Variants in NPAS2 observed in about 807,000 individuals in gnomAD.
The protein encoded by NPAS2 is neuronal PAS domain-containing protein 2.
NPAS2 carries 23 observed loss-of-function variants against 107.5 expected under a neutral mutation model. That is an observed-to-expected ratio of 0.21 (90% CI 0.15 to 0.30). The LOEUF (loss-of-function observed/expected upper bound fraction) is 0.30. NPAS2 is among the 10% of genes least tolerant of loss of function. NPAS2 has a pLI of 1.00. For synonymous variants in NPAS2, 403 were observed against 417.5 expected (o/e 0.97, Z 0.42); for missense variants, 756 against 1,043.3 (o/e 0.72, Z 3.79).
Position 100,820,921 on chromosome 2 carries a change from G to A in NPAS2, c.-23+507G>A. 3.0e-6 allele frequency: 2 copies of A among 667,856 alleles called. No homozygotes were observed. Among genetic ancestry groups the A allele is most frequent in the Admixed American group, 3.3e-5 (1 of 29,918 alleles). The allele number at this position is 667,856 out of a possible 1,614,324, so 41.4% of individuals were successfully genotyped here. A position where few individuals can be genotyped will look rare whatever the true frequency, so the allele number is the denominator to read the frequency against. On this transcript the variant is annotated intron_variant, in intron 1 of 20. Transcript: ENST00000335681. The surrounding 1 kb of genome is among the most constrained non-coding windows in gnomAD (Gnocchi z 5.6). The stretch of plus-strand genomic sequence containing the variant: ...TCGGAATTGGTTCCGGGCCGGATTG[G>A]GTGCGGAATCGGTGCCCCCAACCCC...
chr2:100,963,753 T>C (rs1382524419), intron 7 of NPAS2, among the ~76,000 whole-genome samples: 3 of 152,214 alleles, frequency 2.0e-5, no homozygotes, highest in Non-Finnish European at 4.4e-5. Context: ...CCCAGCATTA[T>C]AAGCCATAGG....
At chr2:100,990,166 G>A in intron 17 of NPAS2, 90 bp from the exon 18 acceptor site, 1 of 1,140,266 alleles carries the variant, frequency 8.8e-7, no homozygotes, top group Non-Finnish European at 1.3e-6. Flanking sequence ...GGCAAGGGTA[G>A]GTAGAAGGAG....
At chr2:100,905,027 T>G (rs551551011) in intron 2 of NPAS2, among the ~76,000 whole-genome samples, 1 of 152,340 alleles carries the variant, frequency 6.6e-6, no homozygotes, top group East Asian at 1.9e-4. Flanking sequence ...TCTGGGTTTT[T>G]GTCATGCTCC....
chr2:100,975,382 G>A, intron 13 of NPAS2, 76 bp from the exon 14 acceptor site: 8 of 1,299,814 alleles, frequency 6.2e-6, no homozygotes, highest in Non-Finnish European at 7.6e-6. Flanking sequence ...TGCACACCAC[G>A]GTCATGGGTC....
At chr2:100,930,417 G>A (rs13414074) in intron 3 of NPAS2, among the ~76,000 whole-genome samples, 12,381 of 152,108 alleles carry the variant, frequency 0.081, 1,523 homozygotes, top group African/African-American at 0.27. Flanking sequence ...AGGAGCAGTC[G>A]GGAGTTGAGC....
intron 1 of NPAS2, among the ~76,000 whole-genome samples, chr2:100,882,331 C>T (rs6542997): frequency 0.34 from 51,746 of 152,042 alleles, 9,179 homozygotes; most frequent in South Asian, 0.47. Flanking sequence ...AACAAACAGC[C>T]GGGCGCAGTG....
At position 100,995,636 on chromosome 2, in the gene NPAS2, G is replaced by T. The variant is rs998302582; in HGVS notation, c.*54G>T. 26 of 1,570,718 alleles carry T rather than the reference G, an allele frequency of 1.7e-5. No homozygotes were observed. Among genetic ancestry groups the T allele is most frequent in the Non-Finnish European group, 2.1e-5 (24 of 1,158,198 alleles). On this transcript the variant is annotated 3_prime_UTR_variant, in exon 21 of 21. Coordinates refer to ENST00000335681, the MANE Select transcript of NPAS2 (RefSeq NM_002518.4). ...CAGCTTTAACCAATGGATGAGGGGGGTGGCCACAGGAGATGGGGAGAGGAG... is the reference window on the plus strand; with the variant it reads ...CAGCTTTAACCAATGGATGAGGGGGTTGGCCACAGGAGATGGGGAGAGGAG...
chr2:100,913,281 T>A (rs1682666055), intron 2 of NPAS2, among the ~76,000 whole-genome samples: 1 of 152,204 alleles, frequency 6.6e-6, no homozygotes, highest in Non-Finnish European at 1.5e-5. Flanking sequence ...CTGCTAGTGC[T>A]CCCTTCACCA....
intron 5 of NPAS2, among the ~76,000 whole-genome samples, chr2:100,945,842 T>C (rs1263416925): frequency 3.3e-5 from 5 of 152,204 alleles, no homozygotes; most frequent in African/African-American, 1.2e-4. Context: ...TCCTCTACCC[T>C]TTCATTGTGG....
At chr2:100,848,344 CT>C (rs1232499056) in intron 1 of NPAS2, among the ~76,000 whole-genome samples, 1 of 152,146 alleles carries the variant, frequency 6.6e-6, no homozygotes, top group African/African-American at 2.4e-5. Flanking sequence ...CTGTATCATA[CT>C]TGGGAGGTAA....
chr2:100,868,967 C>T (rs1679402720), intron 1 of NPAS2, among the ~76,000 whole-genome samples: 1 of 152,118 alleles, frequency 6.6e-6, no homozygotes, highest in South Asian at 2.1e-4. Flanking sequence ...GAATCTCATT[C>T]TGCACCCAGT....
At chr2:100,890,832 G>A (rs1681006230) in intron 1 of NPAS2, among the ~76,000 whole-genome samples, 2 of 152,142 alleles carry the variant, frequency 1.3e-5, no homozygotes, top group South Asian at 2.1e-4. Context: ...CTTGCAGCCC[G>A]TGAGCTTGAC....
At chr2:100,993,612 C>T (rs1678272156) in intron 20 of NPAS2, 85 bp downstream of exon 20, 1 of 1,102,180 alleles carries the variant, frequency 9.1e-7, no homozygotes, top group Non-Finnish European at 1.2e-6. Flanking sequence ...ATATTTTATT[C>T]CCTTGCTTTC....
At position 100,990,892 on chromosome 2, in the gene NPAS2, A is replaced by G. The variant is rs1489163268; in HGVS notation, c.2111+20A>G. Reference sequence around the variant, plus strand: ...AGTCAAGTACGTGGACCCTGGCGGGAGGCAGGAGGCAAGCGCTGGTGGAAT... The same window carrying G: ...AGTCAAGTACGTGGACCCTGGCGGGGGGCAGGAGGCAAGCGCTGGTGGAAT... On this transcript the variant is annotated intron_variant, in intron 19 of 20. Coordinates refer to ENST00000335681, the MANE Select transcript of NPAS2 (RefSeq NM_002518.4). 14 of 1,605,608 alleles carry G rather than the reference A, an allele frequency of 8.7e-6. No homozygotes were observed. Among genetic ancestry groups the G allele is most frequent in the Non-Finnish European group, 1.2e-5 (14 of 1,172,626 alleles).
chr2:100,943,807 T>C (rs535861600), intron 5 of NPAS2, among the ~76,000 whole-genome samples: 30 of 152,306 alleles, frequency 2.0e-4, no homozygotes, highest in Middle Eastern at 3.4e-3. Flanking sequence ...TGGGTCTGTG[T>C]GGGGAGGGAA....
At position 100,965,840 on chromosome 2, in the gene NPAS2, G is replaced by A. The variant is rs1676179324; in HGVS notation, c.907+74G>A. ...CTGGGGCCCAGCAGCAGGGCTCTGGGACTCCAGAAGCCTCTGCTCGTTACC... is the reference window on the plus strand; with the variant it reads ...CTGGGGCCCAGCAGCAGGGCTCTGGAACTCCAGAAGCCTCTGCTCGTTACC... On this transcript the variant is annotated intron_variant, in intron 10 of 20. Transcript: ENST00000335681. This position sits in a 1 kb window ranked among gnomAD's most constrained non-coding sequence, Gnocchi z 4.3. The A allele has an allele frequency of 1.1e-6, 1 of 921,038 alleles. No homozygotes were observed. Among genetic ancestry groups the A allele is most frequent in the Admixed American group, 2.2e-5 (1 of 46,372 alleles). 57.1% of individuals were successfully genotyped at this position (921,038 alleles called of 1,614,324 possible).
intron 2 of NPAS2, among the ~76,000 whole-genome samples, chr2:100,920,501 G>T (rs964840390): frequency 6.6e-6 from 1 of 152,112 alleles, no homozygotes; most frequent in Non-Finnish European, 1.5e-5. Context: ...GGATGTTTGA[G>T]TTCCACCCAT....
At chr2:100,848,923 C>T (rs1677967247) in intron 1 of NPAS2, among the ~76,000 whole-genome samples, 5 of 152,242 alleles carry the variant, frequency 3.3e-5, no homozygotes. Flanking sequence ...CAAATCCCTG[C>T]CGTGGGGCGC....
intron 6 of NPAS2, among the ~76,000 whole-genome samples, 163 bp downstream of exon 6, chr2:100,948,518 A>T (rs974343040): frequency 1.3e-5 from 2 of 152,246 alleles, no homozygotes; most frequent in African/African-American, 4.8e-5. Flanking sequence ...GTTTAAAGCT[A>T]AAACTGGAAT....
Sources: gnomAD v4.1 joint callset for allele counts (sites outside exome capture counted in the v4.1 genomes callset) on GRCh38, gnomAD v4.1.1 for gene constraint, Gnocchi (gnomAD v3.1) non-coding constraint, MANE v1.5 for transcripts, NCBI Gene and HGNC (gene_info 2026-07-23, HGNC 2026-07-21) for gene names.